The following HACD2 variants were observed in gnomAD, a reference collection of about 807,000 sequenced individuals.
The protein encoded by HACD2 is very-long-chain (3R)-3-hydroxyacyl-CoA dehydratase 2.
In HACD2, 15 loss-of-function variants were observed where a neutral mutation model predicts 31.0. That is an observed-to-expected ratio of 0.48 (90% confidence interval 0.32 to 0.75). HACD2 has a LOEUF of 0.75. Among genes scored for constraint, HACD2 ranks in the 30% least tolerant of loss-of-function variants. The probability of loss-of-function intolerance (pLI) is 0.03; values close to 1 mark genes in which losing one functional copy is unlikely to be tolerated. For synonymous variants in HACD2, 115 were observed against 122.2 expected (o/e 0.94, Z 0.39); for missense variants, 283 against 313.0 (o/e 0.90, Z 0.72).
At chr3:123,535,132 T>G (rs1022450134) in intron 3 of HACD2, among the ~76,000 whole-genome samples, 3 of 152,324 alleles carry the variant, frequency 2.0e-5, no homozygotes, top group Middle Eastern at 3.4e-3. Flanking sequence ...CACCACTCAA[T>G]GATTCATCCA....
At chr3:123,541,561 A>G (rs2056491161) in intron 3 of HACD2, among the ~76,000 whole-genome samples, 1 of 152,166 alleles carries the variant, frequency 6.6e-6, no homozygotes, top group South Asian at 2.1e-4. Context: ...AGAGCAAGGA[A>G]CTGCTGGGGT....
At chr3:123,508,153 T>C (rs2056002681) in intron 4 of HACD2, among the ~76,000 whole-genome samples, 3 of 152,174 alleles carry the variant, frequency 2.0e-5, no homozygotes, top group Admixed American at 2.0e-4. Flanking sequence ...TTAGGATAGG[T>C]TGCCAAAAAT....
At chr3:123,549,182 G>A (rs554110235) in intron 3 of HACD2, among the ~76,000 whole-genome samples, 6 of 151,394 alleles carry the variant, frequency 4.0e-5, no homozygotes, top group East Asian at 3.9e-4. Flanking sequence ...TCACATATTC[G>A]CTTAAGTCAA....
intron 3 of HACD2, among the ~76,000 whole-genome samples, chr3:123,531,778 C>G (rs970409084): frequency 3.3e-5 from 5 of 152,134 alleles, no homozygotes; most frequent in African/African-American, 1.2e-4. Context: ...TTTTCCTTCT[C>G]TTCTTCAAAA....
rs555408000 is a variant in HACD2 at position 123,567,678 on chromosome 3, CAG to C, written c.292+82_292+83del. 4.6e-3 allele frequency: 4,062 copies of C among 874,744 alleles called. 18 individuals are homozygous for C. Among genetic ancestry groups the C allele is most frequent in the Non-Finnish European group, 5.3e-3 (3,211 of 610,716 alleles). 54.2% of individuals were successfully genotyped at this position (874,744 alleles called of 1,614,324 possible). A position where few individuals can be genotyped will look rare whatever the true frequency, so the allele number is the denominator to read the frequency against. On this transcript the variant is annotated intron_variant, in intron 3 of 6. Coordinates refer to ENST00000383657, the MANE Select transcript of HACD2 (RefSeq NM_198402.5). ...ATCATTTCATTTTTTCAATATTTAA[CAG>C]AAATCAATAAAGCCTATCATCTATG...
intron 4 of HACD2, among the ~76,000 whole-genome samples, chr3:123,526,426 G>C (rs191483909): frequency 8.1e-4 from 124 of 152,202 alleles, no homozygotes; most frequent in African/African-American, 2.8e-3. Context: ...CATCAACAGT[G>C]CATATGTAAA....
At chr3:123,539,069 T>C (rs919305068) in intron 3 of HACD2, among the ~76,000 whole-genome samples, 4 of 152,206 alleles carry the variant, frequency 2.6e-5, no homozygotes, top group South Asian at 2.1e-4. Context: ...ATATACAGTA[T>C]ATCTTCATGG....
At chr3:123,518,266 T>C (rs986163587) in intron 4 of HACD2, among the ~76,000 whole-genome samples, 10 of 152,010 alleles carry the variant, frequency 6.6e-5, no homozygotes, top group Non-Finnish European at 1.5e-4. Context: ...ATTTTAAAAA[T>C]CTAGATTTCT....
rs569304333 is a variant in HACD2 at position 123,528,918 on chromosome 3, C to A, written c.293-444G>T. Among the ~76,000 whole-genome samples the A allele has an allele frequency of 4.3e-4, 65 of 152,248 alleles. 1 individual carries two copies. The South Asian group carries it at 8.1e-3, about 19-fold the overall frequency. ...GCTCATGGACATCAGACTTGATACA[C>A]TATCTAATGGTTAAGTTAGGTATCT... On this transcript the variant is annotated intron_variant, in intron 3 of 6. Transcript: ENST00000383657.
intron 4 of HACD2, among the ~76,000 whole-genome samples, chr3:123,515,901 T>C (rs1229123295): frequency 6.6e-6 from 1 of 151,904 alleles, no homozygotes; most frequent in African/African-American, 2.4e-5. Flanking sequence ...GGACTACAGG[T>C]ATGCACCACC....
chr3:123,561,093 G>A (rs1200846087), intron 3 of HACD2, among the ~76,000 whole-genome samples: 1 of 152,166 alleles, frequency 6.6e-6, no homozygotes, highest in Non-Finnish European at 1.5e-5. Flanking sequence ...GGGGGCAGAG[G>A]AGGGAGTGTT....
rs969715983 is a variant in HACD2 at position 123,502,681 on chromosome 3, C to A, written c.382G>T (p.Val128Leu). The change falls in exon 5 of 7, where the codon GTA (valine) becomes TTA (leucine). Residue 128 changes from valine (V) to leucine (L), a missense_variant and splice_region_variant. Val to Leu is a conservative substitution (Grantham distance 32, BLOSUM62 1). Around this residue, in one of 3 missense-constraint regions of HACD2, gnomAD observed 85 missense variants for 129.6 expected, o/e 0.66. Transcript: ENST00000383657. Reference sequence around the variant, plus strand: ...AGGAGGACACTGTCTTCACTCTGTACCTGAAGGAAGAGGAAAACAAAAGAA... The same window carrying A: ...AGGAGGACACTGTCTTCACTCTGTAACTGAAGGAAGAGGAAAACAAAAGAA... ...IWAVTHSVKE[V>L]QSEDSVLLFV... 2 of 1,598,950 alleles carry A rather than the reference C, an allele frequency of 1.3e-6. No homozygotes were observed. Among genetic ancestry groups the A allele is most frequent in the Non-Finnish European group, 1.7e-6 (2 of 1,172,416 alleles).
At chr3:123,500,485 A>G in intron 6 of HACD2, 30 bp downstream of exon 6, 1 of 1,455,936 alleles carries the variant, frequency 6.9e-7, no homozygotes, top group Non-Finnish European at 9.4e-7. Context: ...TTTAAAACAT[A>G]ATTAAATATA....
intron 2 of HACD2, among the ~76,000 whole-genome samples, chr3:123,575,987 T>C (rs2056903821): frequency 6.6e-6 from 1 of 152,204 alleles, no homozygotes; most frequent in Non-Finnish European, 1.5e-5. Flanking sequence ...CCTCTGGTAG[T>C]CTTACTTTTT....
chr3:123,528,926 T>C lies in HACD2; in HGVS notation c.293-452A>G, dbSNP rs550004178. Among the ~76,000 whole-genome samples the C allele has an allele frequency of 7.9e-5, 12 of 152,314 alleles. 1 individual carries two copies. In the South Asian group the frequency reaches 2.3e-3, roughly 29 times the overall value. On this transcript the variant is annotated intron_variant, in intron 3 of 6. Transcript: ENST00000383657. ...ACATCAGACTTGATACACTATCTAA[T>C]GGTTAAGTTAGGTATCTTTTATTAT...
chr3:123,551,813 A>G (rs576034553), intron 3 of HACD2, among the ~76,000 whole-genome samples: 2 of 152,256 alleles, frequency 1.3e-5, no homozygotes, highest in Admixed American at 6.5e-5. Context: ...ACACTTTAAA[A>G]CCACCAACAT....
At chr3:123,544,730 C>G (rs1355743668) in intron 3 of HACD2, among the ~76,000 whole-genome samples, 1 of 152,042 alleles carries the variant, frequency 6.6e-6, no homozygotes, top group Non-Finnish European at 1.5e-5. Context: ...GATATCTCAG[C>G]TAATATACTT....
rs1350542296 is a variant in HACD2 at position 123,514,164 on chromosome 3, A to G, written c.382-11483T>C. 2.0e-5 allele frequency among the ~76,000 whole-genome samples: 3 copies of G among 152,052 alleles called. No homozygotes were observed. In the East Asian group the frequency reaches 5.8e-4, roughly 29 times the overall value. On this transcript the variant is annotated intron_variant, in intron 4 of 6. Transcript: ENST00000383657. ...GTGGCAAGCGCCTGTGGTCCCAGCA[A>G]CTCAGGAGGCTGAGGTGGGAGAATC... is the stretch of plus-strand genomic sequence containing the variant.
intron 2 of HACD2, among the ~76,000 whole-genome samples, chr3:123,569,854 T>C (rs1017959095): frequency 6.6e-6 from 1 of 151,620 alleles, no homozygotes; most frequent in African/African-American, 2.4e-5. Context: ...CTGGGCATAG[T>C]GGCGCATGCC....
Sources: gnomAD v4.1 joint callset for allele counts (sites outside exome capture counted in the v4.1 genomes callset) on GRCh38, gnomAD v4.1.1 for gene constraint, gnomAD v4.1.1 regional missense constraint, MANE v1.5 for transcripts, NCBI Gene and HGNC (gene_info 2026-07-23, HGNC 2026-07-21) for gene names.